ADAMTS19: variants seen among roughly 807,000 people sequenced by gnomAD.
ADAMTS19 encodes the protein A disintegrin and metalloproteinase with thrombospondin motifs 19.
A neutral mutation model predicts 153.3 loss-of-function variants in ADAMTS19; 93 were observed. The observed-to-expected ratio is 0.61, with a 90% confidence interval of 0.51 to 0.72. The LOEUF (loss-of-function observed/expected upper bound fraction) is 0.72. ADAMTS19 is among the 30% of genes least tolerant of loss of function. The pLI, the probability that ADAMTS19 is intolerant of heterozygous loss-of-function variation, is 0.00. For synonymous variants in ADAMTS19, 600 were observed against 556.6 expected (o/e 1.08, Z -1.10); for missense variants, 1,482 against 1,552.1 (o/e 0.95, Z 0.76).
At chr5:129,633,241 T>A (rs1752384555) in intron 10 of ADAMTS19, among the ~76,000 whole-genome samples, 1 of 152,140 alleles carries the variant, frequency 6.6e-6, no homozygotes, top group South Asian at 2.1e-4. Context: ...TTTAAACTTT[T>A]CTCTTGAGAT....
chr5:129,679,975 T>C (rs246443), intron 17 of ADAMTS19, 54 bp downstream of exon 17: 1,393,754 of 1,513,280 alleles, frequency 0.92, 642,458 homozygotes, highest in East Asian at 1. Context: ...TGGCAAGGAA[T>C]ATTCCCAGTG....
Position 129,662,888 on chromosome 5 carries a change from A to ATTTTT in ADAMTS19, c.2426-2591_2426-2587dup, listed in dbSNP as rs3049499. On this transcript the variant is annotated intron_variant, in intron 15 of 22. Coordinates refer to ENST00000274487, the MANE Select transcript of ADAMTS19 (RefSeq NM_133638.6). ...CTCCTCCTTCTCATGATTCTTCTTC[A>ATTTTT]TTTTTTTTTTTTTTTTTTTTTTTTG... Among the ~76,000 whole-genome samples, 133 of 92,894 alleles carry ATTTTT rather than the reference A, an allele frequency of 1.4e-3. 1 individual carries two copies. Among genetic ancestry groups the ATTTTT allele is most frequent in the African/African-American group, 5.4e-3 (115 of 21,238 alleles). The allele number at this position is 92,894 out of a possible 152,430, so 60.9% of individuals were successfully genotyped here. A position where few individuals can be genotyped will look rare whatever the true frequency, so the allele number is the denominator to read the frequency against.
intron 21 of ADAMTS19, among the ~76,000 whole-genome samples, chr5:129,733,944 CGTGTGTGTGT>C (rs34177749): frequency 0.02 from 2,952 of 147,782 alleles, 71 homozygotes; most frequent in African/African-American, 0.052. Flanking sequence ...CAAGTGTGTG[CGTGTGTGTGT>C]GTGTGTGTGT....
At chr5:129,479,165 A>G (rs1327034925) in intron 2 of ADAMTS19, among the ~76,000 whole-genome samples, 2 of 152,124 alleles carry the variant, frequency 1.3e-5, no homozygotes, top group Admixed American at 1.3e-4. Context: ...GTATGTTTGT[A>G]TATGTCATGA....
chr5:129,577,650 C>T (rs1749208996), intron 7 of ADAMTS19, among the ~76,000 whole-genome samples: 1 of 152,048 alleles, frequency 6.6e-6, no homozygotes, highest in Admixed American at 6.6e-5. Flanking sequence ...ACGATGCTTG[C>T]TCACATTTGA....
chr5:129,692,245 G>A (rs998722948), intron 18 of ADAMTS19, among the ~76,000 whole-genome samples: 1 of 151,930 alleles, frequency 6.6e-6, no homozygotes, highest in African/African-American at 2.4e-5. Flanking sequence ...AAGAGCCCCT[G>A]AAGCATAGGA....
intron 7 of ADAMTS19, among the ~76,000 whole-genome samples, chr5:129,589,600 C>A (rs1749997812): frequency 1.3e-5 from 2 of 152,030 alleles, no homozygotes; most frequent in African/African-American, 4.8e-5. Context: ...GAAGTGGTTT[C>A]TTTCTCTAAC....
At chr5:129,690,252 A>G (rs1391371471) in intron 18 of ADAMTS19, among the ~76,000 whole-genome samples, 1 of 152,242 alleles carries the variant, frequency 6.6e-6, no homozygotes. Context: ...CCTTCCAAGG[A>G]TATACCTCGG....
intron 5 of ADAMTS19, 67 bp from the exon 6 acceptor site, chr5:129,528,453 G>A: frequency 1.6e-6 from 2 of 1,248,428 alleles, no homozygotes; most frequent in Non-Finnish European, 2.2e-6. Flanking sequence ...TGTTATTGTT[G>A]TTGTTGTTGT....
chr5:129,689,039 C>G (rs1429758579), intron 18 of ADAMTS19, among the ~76,000 whole-genome samples: 1 of 152,046 alleles, frequency 6.6e-6, no homozygotes, highest in Admixed American at 6.6e-5. Flanking sequence ...GCATTAACTG[C>G]ATAACTTTAA....
chr5:129,642,010 G>T, intron 11 of ADAMTS19, 50 bp downstream of exon 11: 1 of 1,181,914 alleles, frequency 8.5e-7, no homozygotes, highest in Admixed American at 2.0e-5. Context: ...GATGAAACTT[G>T]AGAATCTTGC....
chr5:129,483,667 C>T (rs1460617954), intron 2 of ADAMTS19, among the ~76,000 whole-genome samples: 1 of 152,120 alleles, frequency 6.6e-6, no homozygotes. Context: ...ATAGGCACAG[C>T]CAAAATCTGT....
intron 3 of ADAMTS19, among the ~76,000 whole-genome samples, chr5:129,515,560 G>A (rs1266545547): frequency 4.0e-5 from 6 of 151,790 alleles, no homozygotes; most frequent in Non-Finnish European, 5.9e-5. Flanking sequence ...TATTGTAAAT[G>A]GGGTTATATT....
intron 2 of ADAMTS19, among the ~76,000 whole-genome samples, chr5:129,492,626 C>T (rs1750806147): frequency 6.6e-6 from 1 of 151,654 alleles, no homozygotes; most frequent in Non-Finnish European, 1.5e-5. Flanking sequence ...AAAAGAGGGA[C>T]TTGCTTATGT....
intron 10 of ADAMTS19, among the ~76,000 whole-genome samples, chr5:129,628,279 C>T (rs910601115): frequency 1.3e-5 from 2 of 151,610 alleles, no homozygotes; most frequent in Non-Finnish European, 3.0e-5. Context: ...AAGAAGGGAA[C>T]AATAGACACT....
chr5:129,706,338 G>A (rs1347412913), intron 21 of ADAMTS19, among the ~76,000 whole-genome samples: 1 of 152,202 alleles, frequency 6.6e-6, no homozygotes, highest in African/African-American at 2.4e-5. Flanking sequence ...GGGAGGCCAA[G>A]GCAGGTGGAT....
chr5:129,736,956 A>G lies in ADAMTS19; in HGVS notation c.3491-111A>G, dbSNP rs564820337. The G allele has an allele frequency of 1.5e-5, 16 of 1,052,330 alleles. No individual in the cohort carries two copies. In the South Asian group the frequency reaches 4.5e-4, roughly 30 times the overall value. 65.2% of individuals were successfully genotyped at this position (1,052,330 alleles called of 1,614,324 possible). On this transcript the variant is annotated intron_variant, in intron 22 of 22. Coordinates refer to ENST00000274487, the MANE Select transcript of ADAMTS19 (RefSeq NM_133638.6). ...TGTTTAAATTCCAGAAGGTAATATA[A>G]ATGAACCAAAGAGAGTGTACAAAAT...
Position 129,603,350 on chromosome 5 carries a change from A to T in ADAMTS19, c.1478+6686A>T, listed in dbSNP as rs982074080. ...CCTTTTTGTGAAGCATGTAGACATAATCCTATGATACCATTCACTGCAAAT... is the reference window on the plus strand; with the variant it reads ...CCTTTTTGTGAAGCATGTAGACATATTCCTATGATACCATTCACTGCAAAT... On this transcript the variant is annotated intron_variant, in intron 8 of 22. Transcript: ENST00000274487. Among the ~76,000 whole-genome samples the T allele has an allele frequency of 2.0e-5, 3 of 152,182 alleles. No homozygotes were observed. The South Asian group carries it at 6.2e-4, about 32-fold the overall frequency.
At chr5:129,620,887 C>G (rs2126976975) in intron 9 of ADAMTS19, 129 bp downstream of exon 9, 1 of 899,232 alleles carries the variant, frequency 1.1e-6, no homozygotes, top group South Asian at 2.7e-5. Context: ...TGGTTCCAAT[C>G]CTGGCTTTTC....
Sources: gnomAD v4.1 joint callset for allele counts (sites outside exome capture counted in the v4.1 genomes callset) on GRCh38, gnomAD v4.1.1 for gene constraint, MANE v1.5 for transcripts, NCBI Gene and HGNC (gene_info 2026-07-23, HGNC 2026-07-21) for gene names.